VLDLR: variants seen among roughly 807,000 people sequenced by gnomAD.
VLDLR encodes the protein very low density lipoprotein receptor.
Under a neutral mutation model 112.7 loss-of-function variants are expected in VLDLR, and 81 were observed. The observed-to-expected ratio is 0.72, with a 90% CI of 0.60 to 0.86. VLDLR has a LOEUF of 0.86. VLDLR is among the 40% of genes least tolerant of loss of function. The probability of loss-of-function intolerance (pLI) is 0.00; values close to 1 mark genes in which losing one functional copy is unlikely to be tolerated. For missense variants in VLDLR, 1,237 were observed against 1,099.4 expected, an observed-to-expected ratio of 1.13 and a Z score of -1.77; for synonymous variants, 436 against 384.8, an observed-to-expected ratio of 1.13 and a Z score of -1.56.
At chr9:2,624,738 C>G (rs1320325781) in intron 1 of VLDLR, among the ~76,000 whole-genome samples, 1 of 152,190 alleles carries the variant, frequency 6.6e-6, no homozygotes, top group Non-Finnish European at 1.5e-5. Flanking sequence ...GTAAACTTGG[C>G]TCATCCAGAT....
chr9:2,646,622 G>A (rs1459532829), intron 11 of VLDLR, 70 bp downstream of exon 11: 2 of 1,355,982 alleles, frequency 1.5e-6, no homozygotes, highest in Non-Finnish European at 2.1e-6. Flanking sequence ...TCTCATACCT[G>A]AATTAGTACT....
Position 2,658,897 on chromosome 9 carries a change from G to A in VLDLR, c.*5029G>A, listed in dbSNP as rs1226057429. ...ACTACACCTGTCTGAAGAGATCTAA[G>A]TCTGATATTTAAGGAGTGATAGCAT... On this transcript the variant is annotated 3_prime_UTR_variant, in exon 19 of 19. Coordinates refer to ENST00000382100, the MANE Select transcript of VLDLR (RefSeq NM_003383.5). 6.6e-6 allele frequency: 1 copy of A among 152,136 alleles called. No individual in the cohort carries two copies. Among genetic ancestry groups the A allele is most frequent in the African/African-American group, 2.4e-5 (1 of 41,420 alleles). 9.4% of individuals were successfully genotyped at this position (152,136 alleles called of 1,614,324 possible).
rs1818591819 is a variant in VLDLR at position 2,656,056 on chromosome 9, A to G, written c.*2188A>G. ...GGATTATACAGTATTAATTAATTAT[A>G]AGGCCCAAAGTTTGTTTTGGCAAAT... On this transcript the variant is annotated 3_prime_UTR_variant, in exon 19 of 19. Coordinates refer to ENST00000382100, the MANE Select transcript of VLDLR (RefSeq NM_003383.5). 6.6e-6 allele frequency: 1 copy of G among 151,576 alleles called. No individual in the cohort carries two copies. Among genetic ancestry groups the G allele is most frequent in the Non-Finnish European group, 1.5e-5 (1 of 68,016 alleles). 9.4% of individuals were successfully genotyped at this position (151,576 alleles called of 1,614,324 possible).
rs1003301427 is a variant in VLDLR at position 2,653,939 on chromosome 9, C to A, written c.*71C>A. 2.0e-6 allele frequency: 3 copies of A among 1,510,074 alleles called. No homozygotes were observed. Among genetic ancestry groups the A allele is most frequent in the Non-Finnish European group, 1.8e-6 (2 of 1,085,904 alleles). The allele number at this position is 1,510,074 out of a possible 1,614,324, so 93.5% of individuals were successfully genotyped here. ...CCCGTCGGAATGGTAACCGAGCCAG[C>A]AGCTGAAGTCTCTTTTTCTTCCTCT... On this transcript the variant is annotated 3_prime_UTR_variant, in exon 19 of 19. Transcript: ENST00000382100.
chr9:2,636,891 C>T (rs1351199847), intron 2 of VLDLR, among the ~76,000 whole-genome samples: 1 of 152,142 alleles, frequency 6.6e-6, no homozygotes, highest in East Asian at 1.9e-4. Context: ...ATTGCTTGTT[C>T]TTAAAAAGTA....
chr9:2,653,934 G>T lies in VLDLR; in HGVS notation c.*66G>T. On this transcript the variant is annotated 3_prime_UTR_variant, in exon 19 of 19. Coordinates refer to ENST00000382100, the MANE Select transcript of VLDLR (RefSeq NM_003383.5). The stretch of plus-strand genomic sequence containing the variant: ...ATACCCCCGTCGGAATGGTAACCGA[G>T]CCAGCAGCTGAAGTCTCTTTTTCTT... 1 of 1,546,716 alleles carries T rather than the reference G, an allele frequency of 6.5e-7. No individual in the cohort carries two copies. Among genetic ancestry groups the T allele is most frequent in the Non-Finnish European group, 8.9e-7 (1 of 1,118,964 alleles).
chr9:2,643,606 A>G (rs201598131), intron 5 of VLDLR, 22 bp from the exon 6 acceptor site: 55 of 1,614,104 alleles, frequency 3.4e-5, no homozygotes, highest in South Asian at 9.9e-5. Flanking sequence ...GCTTCATTCC[A>G]TGGTGTTTCC....
chr9:2,623,653 C>T (rs1404833739), intron 1 of VLDLR, among the ~76,000 whole-genome samples: 3 of 152,186 alleles, frequency 2.0e-5, no homozygotes, highest in Admixed American at 2.0e-4. Flanking sequence ...GTTAGCGGTG[C>T]GATCACGTTT....
intron 1 of VLDLR, among the ~76,000 whole-genome samples, chr9:2,625,643 C>A (rs1817057787): frequency 6.6e-6 from 1 of 152,202 alleles, no homozygotes; most frequent in Non-Finnish European, 1.5e-5. Flanking sequence ...GTGGCTAATA[C>A]AACTGCCCTC....
At chr9:2,651,533 A>G in intron 16 of VLDLR, 35 bp downstream of exon 16, 1 of 1,528,540 alleles carries the variant, frequency 6.5e-7, no homozygotes, top group Non-Finnish European at 9.1e-7. Context: ...GTTAATCTCA[A>G]CTAACAGCCA....
intron 1 of VLDLR, among the ~76,000 whole-genome samples, chr9:2,627,010 A>G (rs1036650369): frequency 1.3e-5 from 2 of 152,206 alleles, no homozygotes; most frequent in African/African-American, 2.4e-5. Context: ...CTTAATGTAC[A>G]TCTACTGAGT....
chr9:2,622,043 C>T lies in VLDLR; in HGVS notation c.-147C>T. 1 of 793,556 alleles carries T rather than the reference C, an allele frequency of 1.3e-6. No homozygotes were observed. Among genetic ancestry groups the T allele is most frequent in the Non-Finnish European group, 1.9e-6 (1 of 518,836 alleles). The allele number at this position is 793,556 out of a possible 1,614,324, so 49.2% of individuals were successfully genotyped here. ...AGGGGGTGCCCTCTTCTTCCCCGCTCCCTTCCCCCGCCAACTCCTTCCCCT... is the reference window on the plus strand; with the variant it reads ...AGGGGGTGCCCTCTTCTTCCCCGCTTCCTTCCCCCGCCAACTCCTTCCCCT... On this transcript the variant is annotated 5_prime_UTR_variant, in exon 1 of 19. Transcript: ENST00000382100.
intron 2 of VLDLR, among the ~76,000 whole-genome samples, chr9:2,636,823 C>A (rs1817615201): frequency 6.6e-6 from 1 of 152,216 alleles, no homozygotes; most frequent in African/African-American, 2.4e-5. Context: ...CAACTATTTT[C>A]CTGTTGTAAG....
At chr9:2,646,011 A>G (rs992397538) in intron 10 of VLDLR, among the ~76,000 whole-genome samples, 2 of 152,112 alleles carry the variant, frequency 1.3e-5, no homozygotes, top group Admixed American at 1.3e-4. Flanking sequence ...AGAACTGTTC[A>G]TTGTTGCTAC....
At chr9:2,648,515 A>C (rs1818169595) in intron 13 of VLDLR, among the ~76,000 whole-genome samples, 154 bp from the exon 14 acceptor site, 1 of 152,196 alleles carries the variant, frequency 6.6e-6, no homozygotes. Flanking sequence ...AGCACTCCAC[A>C]CCTAAACTTG....
At chr9:2,630,184 T>C (rs571874945) in intron 1 of VLDLR, among the ~76,000 whole-genome samples, 1 of 152,284 alleles carries the variant, frequency 6.6e-6, no homozygotes, top group East Asian at 1.9e-4. Flanking sequence ...CCTTAACACC[T>C]GTTGTGGTAC....
intron 17 of VLDLR, 68 bp from the exon 18 acceptor site, chr9:2,652,712 G>A (rs544633532): frequency 2.0e-5 from 32 of 1,596,188 alleles, no homozygotes; most frequent in South Asian, 6.6e-5. Flanking sequence ...ATTCCTGAAC[G>A]TTATTACCTT....
rs190683385 is a variant in VLDLR at position 2,659,846 on chromosome 9, A to G, written c.*5978A>G. On this transcript the variant is annotated 3_prime_UTR_variant, in exon 19 of 19. Coordinates refer to ENST00000382100, the MANE Select transcript of VLDLR (RefSeq NM_003383.5). ...CAAAATGACTGGCTTTGACAAAACT[A>G]TCTTGCTCTTTTTAAATGTCACTTG... 1 of 152,328 alleles carries G rather than the reference A, an allele frequency of 6.6e-6. No individual in the cohort carries two copies. Among genetic ancestry groups the G allele is most frequent in the African/African-American group, 2.4e-5 (1 of 41,582 alleles). 9.4% of individuals were successfully genotyped at this position (152,328 alleles called of 1,614,324 possible).
chr9:2,639,078 C>T (rs1027641735), intron 2 of VLDLR, among the ~76,000 whole-genome samples: 14 of 152,160 alleles, frequency 9.2e-5, no homozygotes, highest in African/African-American at 2.9e-4. Context: ...TAGGGGATGC[C>T]CCTTGAACAG....
Sources: gnomAD v4.1 joint callset for allele counts (sites outside exome capture counted in the v4.1 genomes callset) on GRCh38, gnomAD v4.1.1 for gene constraint, MANE v1.5 for transcripts, NCBI Gene and HGNC (gene_info 2026-07-23, HGNC 2026-07-21) for gene names.